Variants in TNFAIP8 observed in about 807,000 individuals in gnomAD.
The protein encoded by TNFAIP8 is TNF alpha induced protein 8.
Under a neutral mutation model 13.3 loss-of-function variants are expected in TNFAIP8, and 7 were observed. That is an observed-to-expected ratio of 0.52 (90% confidence interval 0.30 to 0.99). The LOEUF is 0.99. Among genes scored for constraint, TNFAIP8 ranks in the 50% least tolerant of loss-of-function variants. The pLI is 0.07. For synonymous variants in TNFAIP8, 94 were observed against 87.6 expected (o/e 1.07, Z -0.41); for missense variants, 258 against 236.9 (o/e 1.09, Z -0.58).
At chr5:119,309,621 G>C (rs956389814) in intron 1 of TNFAIP8, among the ~76,000 whole-genome samples, 1 of 152,190 alleles carries the variant, frequency 6.6e-6, no homozygotes, top group Non-Finnish European at 1.5e-5. Flanking sequence ...TTCTGCACGT[G>C]ATCGAAGCAT....
At chr5:119,313,307 G>A (rs1749790579) in intron 1 of TNFAIP8, among the ~76,000 whole-genome samples, 1 of 152,172 alleles carries the variant, frequency 6.6e-6, no homozygotes. Flanking sequence ...AAGCTCAAAG[G>A]AGTTTTACAG....
At chr5:119,278,353 GAGA>G (rs1305333581) in intron 1 of TNFAIP8, among the ~76,000 whole-genome samples, 51 of 116,086 alleles carry the variant, frequency 4.4e-4, no homozygotes, top group African/African-American at 1.2e-3. Context: ...CAGGAAGGGG[GAGA>G]GAGAGAGAGA....
At chr5:119,364,118 C>T (rs928867915) in intron 1 of TNFAIP8, among the ~76,000 whole-genome samples, 2 of 152,276 alleles carry the variant, frequency 1.3e-5, no homozygotes, top group South Asian at 2.1e-4. Context: ...GTCTCCAGCC[C>T]GTCTCCCCTG....
At chr5:119,381,258 T>A (rs931567588) in intron 1 of TNFAIP8, among the ~76,000 whole-genome samples, 1 of 152,200 alleles carries the variant, frequency 6.6e-6, no homozygotes, top group African/African-American at 2.4e-5. Context: ...AACCAAGTAT[T>A]GGCTGGGTGC....
intron 1 of TNFAIP8, among the ~76,000 whole-genome samples, chr5:119,377,539 C>A (rs1007910527): frequency 6.6e-6 from 1 of 152,032 alleles, no homozygotes; most frequent in Admixed American, 6.6e-5. Context: ...CAGTTTTCTC[C>A]TGGGATCATT....
intron 1 of TNFAIP8, among the ~76,000 whole-genome samples, chr5:119,342,125 G>A (rs1237050914): frequency 1.3e-5 from 2 of 152,326 alleles, no homozygotes; most frequent in Non-Finnish European, 2.9e-5. Flanking sequence ...TCCAAGGGAT[G>A]TTTAGTGTTT....
At chr5:119,351,791 T>TTC (rs1554177363), upstream of TNFAIP8, among the ~76,000 whole-genome samples, 18 of 143,852 alleles carry the variant, frequency 1.3e-4, no homozygotes, top group African/African-American at 4.9e-4. Flanking sequence ...TCTTTTTCTT[T>TTC]TTTTCTTTTT....
intron 1 of TNFAIP8, among the ~76,000 whole-genome samples, chr5:119,279,144 C>T (rs1392960743): frequency 3.3e-5 from 5 of 152,166 alleles, no homozygotes; most frequent in Non-Finnish European, 7.3e-5. Context: ...GAGAAAGATA[C>T]TATTGTTAAG....
intron 1 of TNFAIP8, among the ~76,000 whole-genome samples, chr5:119,351,010 G>C (rs1486448309): frequency 1.4e-5 from 2 of 145,978 alleles, no homozygotes; most frequent in Admixed American, 1.3e-4. Context: ...GTGTGTGTGT[G>C]TGTGTGTGTG....
At chr5:119,339,694 A>G (rs1356863894) in intron 1 of TNFAIP8, among the ~76,000 whole-genome samples, 4 of 152,120 alleles carry the variant, frequency 2.6e-5, no homozygotes, top group Non-Finnish European at 4.4e-5. Context: ...TAAGTTGAAC[A>G]ATGAGAATAA....
intron 1 of TNFAIP8, chr5:119,333,146 T>C (rs1169107944): frequency 2.1e-6 from 2 of 964,194 alleles, no homozygotes; most frequent in East Asian, 2.3e-4. Flanking sequence ...TTCTAGCATG[T>C]TGAAACGTTA....
chr5:119,369,359 T>G (rs1365126213), intron 1 of TNFAIP8, among the ~76,000 whole-genome samples: 1 of 152,204 alleles, frequency 6.6e-6, no homozygotes, highest in Admixed American at 6.5e-5. Context: ...TGGCCCAAAC[T>G]TTCATTGAGT....
rs910356975 is a variant in TNFAIP8, at chr5:119,399,450, G to A, written c.*6069G>A. ...TATTCCTATGTGAGGTATTGTTTAC[G>A]GGTGGCCTTTCACTATTTCCAAATC... On this transcript the variant is annotated 3_prime_UTR_variant, in exon 2 of 2. Coordinates refer to ENST00000504771, the MANE Select transcript of TNFAIP8 (RefSeq NM_014350.4). 3.3e-5 allele frequency: 5 copies of A among 152,132 alleles called. No individual in the cohort carries two copies. The highest frequency in any genetic ancestry group is 7.2e-5 in the African/African-American group (3 of 41,410). 9.4% of individuals were successfully genotyped at this position (152,132 alleles called of 1,614,324 possible).
At chr5:119,329,406 G>C (rs1014943036) in intron 1 of TNFAIP8, among the ~76,000 whole-genome samples, 4 of 152,212 alleles carry the variant, frequency 2.6e-5, no homozygotes, top group African/African-American at 9.6e-5. Context: ...ACAGACCTGA[G>C]CAGTCTCTGC....
intron 1 of TNFAIP8, among the ~76,000 whole-genome samples, chr5:119,288,352 C>G (rs573160870): frequency 1.3e-5 from 2 of 152,148 alleles, no homozygotes; most frequent in African/African-American, 4.8e-5. Context: ...AAAGGTGTAC[C>G]TTGAGGGAAT....
At chr5:119,390,894 C>T (rs535231238) in intron 1 of TNFAIP8, among the ~76,000 whole-genome samples, 6 of 152,112 alleles carry the variant, frequency 3.9e-5, no homozygotes, top group Non-Finnish European at 7.3e-5. Flanking sequence ...TCACTGCTCA[C>T]TGCAGCCTCA....
In TNFAIP8 at chr5:119,393,848, TG is replaced by T. The variant is rs1752995873; in HGVS notation, c.*468del. 2 of 157,540 alleles carry T rather than the reference TG, an allele frequency of 1.3e-5. No individual in the cohort carries two copies. Among genetic ancestry groups the T allele is most frequent in the Non-Finnish European group, 2.8e-5 (2 of 70,928 alleles). The allele number at this position is 157,540 out of a possible 1,614,324, so 9.8% of individuals were successfully genotyped here. Reference sequence around the variant, plus strand: ...TCCTTTTGAAACAATTCAATTTTCATGTCTACAGCTGACTGTTTTGTTAAGA... The same window carrying T: ...TCCTTTTGAAACAATTCAATTTTCATTCTACAGCTGACTGTTTTGTTAAGA... On this transcript the variant is annotated 3_prime_UTR_variant, in exon 2 of 2. Coordinates refer to ENST00000504771, the MANE Select transcript of TNFAIP8 (RefSeq NM_014350.4).
At chr5:119,352,863 A>G (rs1362284116), upstream of TNFAIP8, among the ~76,000 whole-genome samples, 3 of 151,968 alleles carry the variant, frequency 2.0e-5, no homozygotes, top group African/African-American at 7.2e-5. Context: ...TGGTCAAATT[A>G]ACAAAATTAT....
intron 1 of TNFAIP8, among the ~76,000 whole-genome samples, chr5:119,309,970 C>T (rs1356128719): frequency 6.6e-6 from 1 of 152,212 alleles, no homozygotes; most frequent in African/African-American, 2.4e-5. Flanking sequence ...ACACACAGGA[C>T]TGTGGAGGGC....
Sources: allele counts gnomAD v4.1 joint callset (sites outside exome capture counted in the v4.1 genomes callset), GRCh38; gene constraint gnomAD v4.1.1; transcripts MANE v1.5; gene names NCBI Gene and HGNC (gene_info 2026-07-23, HGNC 2026-07-21).